ERICH2: variants seen among roughly 807,000 people sequenced by gnomAD.
The protein encoded by ERICH2 is glutamate rich 2.
ERICH2 carries 17 observed loss-of-function variants against 17.4 expected under a neutral mutation model. The observed-to-expected ratio is 0.98, with a 90% confidence interval of 0.67 to 1.47. The LOEUF (loss-of-function observed/expected upper bound fraction) is 1.47. Ranked by LOEUF, ERICH2 falls within the 40% of genes most tolerant of loss-of-function variation. The pLI is 0.00. For synonymous variants in ERICH2, 51 were observed against 61.1 expected, an observed-to-expected ratio of 0.83 and a Z score of 0.77; for missense variants, 186 against 183.2, an observed-to-expected ratio of 1.01 and a Z score of -0.09.
At chr2:170,777,481 G>C in the ERICH2 span, 3 of 1,159,696 alleles carry the variant, frequency 2.6e-6, no homozygotes, top group Non-Finnish European at 3.3e-6. Flanking sequence ...GTCCTAAATA[G>C]TAAGAAGACT....
upstream of ERICH2, among the ~76,000 whole-genome samples, chr2:170,779,209 A>G (rs1010507759): frequency 8.5e-5 from 13 of 152,110 alleles, no homozygotes; most frequent in Admixed American, 2.6e-4. Flanking sequence ...GAAGAGTGTG[A>G]CTGACCTGCA....
intron 2 of ERICH2, among the ~76,000 whole-genome samples, chr2:170,788,475 T>TTTTAA (rs1553567870): frequency 1.3e-5 from 2 of 151,440 alleles, no homozygotes; most frequent in African/African-American, 4.9e-5. Context: ...CAATTTTTAA[T>TTTTAA]TTTTATTTTA....
chr2:170,787,112 A>C (rs1701177322), intron 2 of ERICH2, among the ~76,000 whole-genome samples: 1 of 152,056 alleles, frequency 6.6e-6, no homozygotes, highest in Non-Finnish European at 1.5e-5. Context: ...GACTACTCAC[A>C]GGCATGATCA....
chr2:170,774,531 G>A, the ERICH2 span, among the ~76,000 whole-genome samples: 25 of 149,588 alleles, frequency 1.7e-4, no homozygotes, highest in Non-Finnish European at 3.4e-4. Context: ...GAACTGGGAT[G>A]TAAATCTAGT....
chr2:170,783,866 G>C (rs1701084341), exon 1 of ERICH2: 1 of 1,550,444 alleles, frequency 6.4e-7, no homozygotes, highest in Non-Finnish European at 8.7e-7. Context: ...ACCAGAAACA[G>C]GTAGACAGAT....
the ERICH2 span, among the ~76,000 whole-genome samples, chr2:170,776,879 AG>A: frequency 6.6e-6 from 1 of 151,930 alleles, no homozygotes; most frequent in East Asian, 1.9e-4. Context: ...CCAGGTATTA[AG>A]CTCAGTACCC....
At chr2:170,784,493 T>G in intron 1 of ERICH2, among the ~76,000 whole-genome samples, 153 bp from the exon 7 acceptor site, 1 of 152,112 alleles carries the variant, frequency 6.6e-6, no homozygotes, top group East Asian at 1.9e-4. Context: ...TTTAAATGAG[T>G]TAAAATATGT....
Position 170,798,025 on chromosome 2 carries a change from C to T in ERICH2, c.275-16C>T. 1.3e-6 allele frequency: 2 copies of T among 1,526,498 alleles called. No homozygotes were observed. The highest frequency in any genetic ancestry group is 8.9e-7 in the Non-Finnish European group (1 of 1,125,338). 94.6% of individuals were successfully genotyped at this position (1,526,498 alleles called of 1,614,324 possible). A position where few individuals can be genotyped will look rare whatever the true frequency, so the allele number is the denominator to read the frequency against. ...ACGTTAATAACACACATTCTGTTGTCCATTTTCATTTTCAGTCCTAATCTA... is the reference window on the plus strand; with the variant it reads ...ACGTTAATAACACACATTCTGTTGTTCATTTTCATTTTCAGTCCTAATCTA... On this transcript the variant is annotated splice_polypyrimidine_tract_variant and intron_variant, in intron 3 of 4. Transcript: ENST00000409885.
chr2:170,773,655 G>A, the ERICH2 span, among the ~76,000 whole-genome samples: 1 of 152,154 alleles, frequency 6.6e-6, no homozygotes, highest in African/African-American at 2.4e-5. Flanking sequence ...CTTCATCTTT[G>A]TGTCCCCAGA....
chr2:170,784,676 A>T, exon 2 of ERICH2: 2 of 1,538,054 alleles, frequency 1.3e-6, no homozygotes, highest in South Asian at 2.5e-5. Context: ...GTCATTGTAA[A>T]GCAGGAGAAA....
intron 3 of ERICH2, among the ~76,000 whole-genome samples, chr2:170,794,105 CTTTTTTTTT>C (rs59152667): frequency 1.1e-5 from 1 of 88,168 alleles, no homozygotes; most frequent in Non-Finnish European, 2.1e-5. Context: ...TCCTTTCTTT[CTTTTTTTTT>C]TTTTTTTTTT....
At chr2:170,788,575 G>A (rs1266962547) in intron 2 of ERICH2, among the ~76,000 whole-genome samples, 1 of 151,890 alleles carries the variant, frequency 6.6e-6, no homozygotes, top group African/African-American at 2.4e-5. Context: ...GGGTTCAAGC[G>A]ATTCTCCTGC....
chr2:170,788,986 G>C (rs965956744), intron 2 of ERICH2, among the ~76,000 whole-genome samples: 3 of 151,254 alleles, frequency 2.0e-5, no homozygotes, highest in Non-Finnish European at 4.4e-5. Flanking sequence ...TTTTGAGACA[G>C]AGTATTGCTC....
chr2:170,786,237 T>C (rs1165443935), intron 2 of ERICH2, among the ~76,000 whole-genome samples: 1 of 152,142 alleles, frequency 6.6e-6, no homozygotes, highest in Non-Finnish European at 1.5e-5. Context: ...CTCTCAGCCT[T>C]GTTTTGTCTT....
chr2:170,775,171 A>G, the ERICH2 span, among the ~76,000 whole-genome samples: 3 of 151,932 alleles, frequency 2.0e-5, no homozygotes, highest in South Asian at 2.1e-4. Context: ...TCACGCCTGC[A>G]ATCCCAGCAC....
At chr2:170,784,887 A>G in intron 2 of ERICH2, 54 bp downstream of exon 7, 2 of 1,301,388 alleles carry the variant, frequency 1.5e-6, no homozygotes, top group South Asian at 2.2e-5. Flanking sequence ...TGAAATAACT[A>G]AAGACTGAAG....
chr2:170,794,309 T>C (rs1701366609), intron 3 of ERICH2, among the ~76,000 whole-genome samples: 1 of 151,888 alleles, frequency 6.6e-6, no homozygotes, highest in Non-Finnish European at 1.5e-5. Flanking sequence ...GGTTTTACCA[T>C]GTTGGCCAGG....
upstream of ERICH2, chr2:170,783,198 T>C (rs1488963768): frequency 6.6e-6 from 1 of 152,030 alleles, no homozygotes; most frequent in African/African-American, 2.4e-5. Context: ...CCAAGTTGAT[T>C]GTTCATAGCT....
chr2:170,781,351 G>A (rs896641919), upstream of ERICH2, among the ~76,000 whole-genome samples: 3 of 152,058 alleles, frequency 2.0e-5, no homozygotes, highest in African/African-American at 7.2e-5. Flanking sequence ...AAGAGACTTG[G>A]GGGGCTGGGC....
Sources: gnomAD v4.1 joint callset for allele counts (sites outside exome capture counted in the v4.1 genomes callset) on GRCh38, gnomAD v4.1.1 for gene constraint, MANE v1.5 for transcripts, NCBI Gene and HGNC (gene_info 2026-07-23, HGNC 2026-07-21) for gene names.